The following FAM135B variants were observed in gnomAD, a reference collection of about 807,000 sequenced individuals.
The protein encoded by FAM135B is family with sequence similarity 135 member B, also known as protein FAM135B.
In FAM135B, 43 loss-of-function variants were observed where a neutral mutation model predicts 127.7. That is an observed-to-expected ratio of 0.34 (90% CI 0.26 to 0.43). The LOEUF is 0.43. FAM135B is among the 20% of genes least tolerant of loss of function. FAM135B has a pLI of 1.00. For synonymous variants in FAM135B, 670 were observed against 665.1 expected, an observed-to-expected ratio of 1.01 and a Z score of -0.11; for missense variants, 1,558 against 1,725.6, an observed-to-expected ratio of 0.90 and a Z score of 1.72.
rs201802699 is a variant in FAM135B at position 138,167,919 on chromosome 8, T to G, written c.1234A>C (p.Arg412=). ...CCTGTCGCAGGGCAGTCCACGTATC[T>G]GTCCTCAAAGATCACCGGCAGGGTG... The part of the protein sequence containing the change: ...WNTLPVIFED[R]YVDCPATGHN... Residue 412 remains arginine (R), a synonymous_variant, in exon 12 of 20, where the codon AGA becomes CGA. Coordinates refer to ENST00000395297, the MANE Select transcript of FAM135B (RefSeq NM_015912.4). 3.1e-6 allele frequency: 5 copies of G among 1,613,524 alleles called. No individual in the cohort carries two copies. Among genetic ancestry groups the G allele is most frequent in the Non-Finnish European group, 4.2e-6 (5 of 1,179,722 alleles).
At chr8:138,193,684 C>T (rs914401630) in intron 9 of FAM135B, among the ~76,000 whole-genome samples, 1 of 152,206 alleles carries the variant, frequency 6.6e-6, no homozygotes, top group African/African-American at 2.4e-5. Flanking sequence ...CCTGAGGCAG[C>T]CCGAGCCAGC....
intron 3 of FAM135B, among the ~76,000 whole-genome samples, chr8:138,298,762 C>T (rs1459198981): frequency 3.9e-5 from 6 of 152,072 alleles, no homozygotes; most frequent in Non-Finnish European, 7.4e-5. Context: ...TGAGTATTAA[C>T]TTGTGGATTT....
In FAM135B at chr8:138,241,531, C is replaced by G. The variant is rs1031491044; in HGVS notation, c.669+1411G>C. On this transcript the variant is annotated intron_variant, in intron 7 of 19. Coordinates refer to ENST00000395297, the MANE Select transcript of FAM135B (RefSeq NM_015912.4). The surrounding 1 kb of genome is among the most constrained non-coding windows in gnomAD (Gnocchi z 4.8). Reference sequence around the variant, plus strand: ...AGTTGGGCAGCTTTTGCCACCAGACCTCCTGGCTGGGTCTCAGAGCTAGCA... The same window carrying G: ...AGTTGGGCAGCTTTTGCCACCAGACGTCCTGGCTGGGTCTCAGAGCTAGCA... Among the ~76,000 whole-genome samples, 2 of 152,130 alleles carry G rather than the reference C, an allele frequency of 1.3e-5. No individual in the cohort carries two copies. The highest frequency in any genetic ancestry group is 2.9e-5 in the Non-Finnish European group (2 of 68,032).
chr8:138,427,606 T>G (rs756353330), intron 1 of FAM135B, among the ~76,000 whole-genome samples: 74 of 152,032 alleles, frequency 4.9e-4, no homozygotes, highest in Non-Finnish European at 9.7e-4. Flanking sequence ...AGTGAGTGAG[T>G]AAACGTGTCC....
chr8:138,384,760 C>T (rs1832082770), intron 1 of FAM135B, among the ~76,000 whole-genome samples: 1 of 152,100 alleles, frequency 6.6e-6, no homozygotes, highest in Non-Finnish European at 1.5e-5. Context: ...GCTCCAAAAT[C>T]TGTTTAGGGG....
chr8:138,286,459 G>A (rs146131507), intron 3 of FAM135B, among the ~76,000 whole-genome samples: 34 of 152,290 alleles, frequency 2.2e-4, no homozygotes, highest in East Asian at 2.1e-3. Context: ...AAGAAGTATC[G>A]CCTCCTTTTA....
chr8:138,200,712 C>T (rs565926425), intron 7 of FAM135B, among the ~76,000 whole-genome samples: 2 of 152,220 alleles, frequency 1.3e-5, no homozygotes, highest in East Asian at 3.9e-4. Flanking sequence ...TACACGCTTG[C>T]TATATGTGTG....
intron 1 of FAM135B, among the ~76,000 whole-genome samples, chr8:138,404,164 A>T (rs925275518): frequency 1.3e-5 from 2 of 152,202 alleles, no homozygotes; most frequent in East Asian, 1.9e-4. Context: ...AATAAAATAA[A>T]TAAATAATAA....
At chr8:138,313,387 C>G (rs899702236) in intron 2 of FAM135B, among the ~76,000 whole-genome samples, 1 of 152,172 alleles carries the variant, frequency 6.6e-6, no homozygotes, top group East Asian at 1.9e-4. Context: ...CTGCCTTGGC[C>G]TCCCAAAGTG....
intron 4 of FAM135B, among the ~76,000 whole-genome samples, chr8:138,258,555 G>A (rs923034997): frequency 5.9e-5 from 9 of 152,182 alleles, no homozygotes; most frequent in Admixed American, 5.2e-4. Context: ...TTCTGAGCAC[G>A]CATATGCCTG....
At chr8:138,363,462 C>A (rs1830559044) in intron 2 of FAM135B, among the ~76,000 whole-genome samples, 1 of 152,140 alleles carries the variant, frequency 6.6e-6, no homozygotes, top group Non-Finnish European at 1.5e-5. Flanking sequence ...AAAGCCAGGT[C>A]CTCAGTACTT....
At chr8:138,142,043 C>CT (rs530529740) in intron 16 of FAM135B, among the ~76,000 whole-genome samples, 210 of 151,996 alleles carry the variant, frequency 1.4e-3, no homozygotes, top group Middle Eastern at 0.01. Context: ...TTCTTTTATT[C>CT]TTTTTTTTAA....
intron 9 of FAM135B, among the ~76,000 whole-genome samples, chr8:138,191,239 C>T (rs933124797): frequency 1.3e-5 from 2 of 152,212 alleles, no homozygotes; most frequent in African/African-American, 4.8e-5. Context: ...CTGCCCAATG[C>T]TGGACAGCCA....
chr8:138,342,801 C>A (rs1048073878), intron 2 of FAM135B, among the ~76,000 whole-genome samples: 19 of 152,180 alleles, frequency 1.2e-4, no homozygotes, highest in African/African-American at 4.6e-4. Flanking sequence ...AACACATATG[C>A]ACACAACTAT....
At chr8:138,178,730 C>T (rs372851457) in intron 9 of FAM135B, 40 bp from the exon 10 acceptor site, 14 of 1,581,448 alleles carry the variant, frequency 8.9e-6, no homozygotes, top group East Asian at 2.2e-5. Context: ...GCTCCTGACT[C>T]CATGAAGTCA....
At chr8:138,382,792 T>C (rs977782474) in intron 1 of FAM135B, among the ~76,000 whole-genome samples, 7 of 152,306 alleles carry the variant, frequency 4.6e-5, no homozygotes, top group African/African-American at 1.7e-4. Context: ...AACGCTTTCA[T>C]GCAGAGTTAG....
intron 3 of FAM135B, among the ~76,000 whole-genome samples, chr8:138,283,057 T>C (rs1824384489): frequency 6.6e-6 from 1 of 152,058 alleles, no homozygotes; most frequent in East Asian, 1.9e-4. Context: ...CGTGCCACCA[T>C]GCCCAGCTAA....
chr8:138,302,559 T>C (rs969432954), intron 3 of FAM135B, among the ~76,000 whole-genome samples: 50 of 100,220 alleles, frequency 5.0e-4, no homozygotes, highest in African/African-American at 1.9e-3. Flanking sequence ...GTCATAAAGA[T>C]CTGCTGGGGG....
rs1405569957 is a variant in FAM135B at position 138,177,258 on chromosome 8, C to T, written c.1103+89G>A. On this transcript the variant is annotated intron_variant, in intron 11 of 19. Coordinates refer to ENST00000395297, the MANE Select transcript of FAM135B (RefSeq NM_015912.4). ...GAGGTGGGCAGACTTCTCTCCTTCA[C>T]TTCCAGTGAGAAAGTGAAGAGTAAC... 1.2e-5 allele frequency: 15 copies of T among 1,259,108 alleles called. No individual in the cohort carries two copies. In the East Asian group the frequency reaches 3.4e-4, roughly 28 times the overall value. 78.0% of individuals were successfully genotyped at this position (1,259,108 alleles called of 1,614,324 possible).
Sources: gnomAD v4.1 joint callset for allele counts (sites outside exome capture counted in the v4.1 genomes callset) on GRCh38, gnomAD v4.1.1 for gene constraint, Gnocchi (gnomAD v3.1) non-coding constraint, MANE v1.5 for transcripts, NCBI Gene and HGNC (gene_info 2026-07-23, HGNC 2026-07-21) for gene names.